The following AREG variants were observed in gnomAD, a reference collection of about 807,000 sequenced individuals.
The protein encoded by AREG is amphiregulin, also known as amphiregulin B.
A neutral mutation model predicts 28.0 loss-of-function variants in AREG; 16 were observed. The observed-to-expected ratio is 0.57, with a 90% CI of 0.39 to 0.87. AREG has a LOEUF of 0.87. Ranked by LOEUF, AREG falls within the 40% of genes least tolerant of loss-of-function variation. The probability of loss-of-function intolerance (pLI) is 0.00; values close to 1 mark genes in which losing one functional copy is unlikely to be tolerated. For missense variants in AREG, 287 were observed against 309.1 expected (o/e 0.93, Z 0.53); for synonymous variants, 113 against 113.5 (o/e 1.00, Z 0.02).
Position 74,449,905 on chromosome 4 carries a change from G to GCTCTCTCT in AREG, c.513-454_513-447dup, listed in dbSNP as rs34389731. ...TTATTTTTTGTGCATGCTCCTGCTT[G>GCTCTCTCT]CTCTCTCTCTCTCTCTCTCTCTCTC... On this transcript the variant is annotated intron_variant, in intron 3 of 5. Transcript: ENST00000395748. Among the ~76,000 whole-genome samples the GCTCTCTCT allele has an allele frequency of 1.3e-3, 192 of 145,606 alleles. 2 individuals are homozygous for GCTCTCTCT. Among genetic ancestry groups the GCTCTCTCT allele is most frequent in the South Asian group, 6.7e-3 (30 of 4,462 alleles).
intron 3 of AREG, among the ~76,000 whole-genome samples, chr4:74,449,710 G>T (rs1247027773): frequency 6.6e-6 from 1 of 152,046 alleles, no homozygotes; most frequent in Non-Finnish European, 1.5e-5. Context: ...AGCCGTGATC[G>T]CACCACTACA....
Position 74,454,907 on chromosome 4 carries a change from G to T in AREG, c.*167G>T. ...TTATGCTATTTCTGTATATAAAGGT[G>T]CACGAAGGTAAAAAGTATTTTTTCA... On this transcript the variant is annotated 3_prime_UTR_variant, in exon 6 of 6. Coordinates refer to ENST00000395748, the MANE Select transcript of AREG (RefSeq NM_001657.4). 2 of 671,130 alleles carry T rather than the reference G, an allele frequency of 3.0e-6. No homozygotes were observed. The highest frequency in any genetic ancestry group is 5.4e-6 in the Non-Finnish European group (2 of 372,880). The allele number at this position is 671,130 out of a possible 1,614,324, so 41.6% of individuals were successfully genotyped here. A position where few individuals can be genotyped will look rare whatever the true frequency, so the allele number is the denominator to read the frequency against.
In AREG at chr4:74,445,194, G is replaced by A. The variant is rs1719247658; in HGVS notation, c.-152G>A. The A allele has an allele frequency of 1.4e-6, 2 of 1,478,568 alleles. No homozygotes were observed. The highest frequency in any genetic ancestry group is 1.8e-6 in the Non-Finnish European group (2 of 1,107,916). The allele number at this position is 1,478,568 out of a possible 1,614,324, so 91.6% of individuals were successfully genotyped here. A position where few individuals can be genotyped will look rare whatever the true frequency, so the allele number is the denominator to read the frequency against. On this transcript the variant is annotated 5_prime_UTR_variant, in exon 1 of 6. Coordinates refer to ENST00000395748, the MANE Select transcript of AREG (RefSeq NM_001657.4). ...AGGTCCCGGGACAGCCCGAGGCGCC[G>A]CGCCCGCCGCCCCGAGCTCCCCAAG...
Position 74,445,352 on chromosome 4 carries a change from G to C in AREG, c.7G>C (p.Ala3Pro), listed in dbSNP as rs750666473. 3.5e-5 allele frequency: 56 copies of C among 1,610,448 alleles called. No individual in the cohort carries two copies. The highest frequency in any genetic ancestry group is 1.2e-4 in the Admixed American group (7 of 59,862). ...CCGCCGCTGCGAAGGACCAATGAGA[G>C]CCCCGCTGCTACCGCCGGCGCCGGT... is the stretch of plus-strand genomic sequence containing the variant. MR[A>P]PLLPPAPVVL... The change falls in exon 1 of 6, where the codon GCC becomes CCC. Residue 3 changes from alanine (A) to proline (P), a missense_variant. Coordinates refer to ENST00000395748, the MANE Select transcript of AREG (RefSeq NM_001657.4).
chr4:74,447,669 T>C (rs1383906609), intron 2 of AREG, among the ~76,000 whole-genome samples: 2 of 152,144 alleles, frequency 1.3e-5, no homozygotes, highest in Middle Eastern at 3.2e-3. Flanking sequence ...GTTTCAGAGC[T>C]GTTGAAGGCC....
chr4:74,452,474 C>T (rs1719395307), intron 4 of AREG, 70 bp from the exon 5 acceptor site: 3 of 1,585,766 alleles, frequency 1.9e-6, no homozygotes, highest in Non-Finnish European at 1.7e-6. Context: ...CCCCTCTACT[C>T]ATAAAAACCC....
At chr4:74,452,739 A>C (rs926200233) in intron 5 of AREG, 84 bp downstream of exon 5, 2 of 1,210,228 alleles carry the variant, frequency 1.7e-6, no homozygotes, top group East Asian at 5.1e-5. Context: ...AAAATATGGA[A>C]TGTGTTCTTA....
At chr4:74,450,198 C>T (rs1240624205) in intron 3 of AREG, among the ~76,000 whole-genome samples, 182 bp from the exon 4 acceptor site, 1 of 152,104 alleles carries the variant, frequency 6.6e-6, no homozygotes, top group Non-Finnish European at 1.5e-5. Context: ...CTAATCTCAA[C>T]TTGTTCTTAT....
intron 2 of AREG, 108 bp downstream of exon 2, chr4:74,446,890 A>ATGTC (rs3215072): frequency 0.31 from 492,101 of 1,605,238 alleles, 83,435 homozygotes; most frequent in East Asian, 0.56. Flanking sequence ...GCTTTATTGT[A>ATGTC]TATCTGTTGG....
At chr4:74,447,298 A>C (rs1719309139) in intron 2 of AREG, among the ~76,000 whole-genome samples, 1 of 152,208 alleles carries the variant, frequency 6.6e-6, no homozygotes, top group Non-Finnish European at 1.5e-5. Context: ...AACACAAATA[A>C]GGGGACAAGG....
At chr4:74,451,821 A>AT (rs2110412778) in intron 4 of AREG, among the ~76,000 whole-genome samples, 1 of 152,310 alleles carries the variant, frequency 6.6e-6, no homozygotes, top group Admixed American at 6.5e-5. Context: ...TAGCACTCTT[A>AT]AAATTAAGCA....
intron 2 of AREG, among the ~76,000 whole-genome samples, chr4:74,448,086 G>A (rs1290547934): frequency 1.3e-5 from 2 of 152,200 alleles, no homozygotes; most frequent in Non-Finnish European, 2.9e-5. Flanking sequence ...TGTCCATGAT[G>A]TTAGTGCTTA....
rs7665012 is a variant in AREG at position 74,450,664 on chromosome 4, T to C, written c.665+132T>C. 0.011 allele frequency: 15,008 copies of C among 1,325,578 alleles called. 1,404 individuals carry two copies. The African/African-American group carries it at 0.19, about 17-fold the overall frequency. 82.1% of individuals were successfully genotyped at this position (1,325,578 alleles called of 1,614,324 possible). ...TCACTTGATCTTTGGTTTATATTTT[T>C]ATATTTTATTGACAAATATCACAGA... On this transcript the variant is annotated intron_variant, in intron 4 of 5. Coordinates refer to ENST00000395748, the MANE Select transcript of AREG (RefSeq NM_001657.4).
In AREG at chr4:74,452,105, G is replaced by A. The variant is rs1233157951; in HGVS notation, c.666-439G>A. 2.0e-5 allele frequency among the ~76,000 whole-genome samples: 3 copies of A among 152,064 alleles called. No individual in the cohort carries two copies. In the East Asian group the frequency reaches 5.8e-4, roughly 29 times the overall value. On this transcript the variant is annotated intron_variant, in intron 4 of 5. Coordinates refer to ENST00000395748, the MANE Select transcript of AREG (RefSeq NM_001657.4). ...AAGCAGCAGTAAATTAAACTAGAAG[G>A]ATATATTTTATACCTAGAAATAAAT...
At chr4:74,449,905 G>GCGCT (rs558402744) in intron 3 of AREG, among the ~76,000 whole-genome samples, 3 of 145,520 alleles carry the variant, frequency 2.1e-5, no homozygotes, top group Admixed American at 1.4e-4. Flanking sequence ...GCTCCTGCTT[G>GCGCT]CTCTCTCTCT....
At chr4:74,452,717 A>G (rs954209086) in intron 5 of AREG, 62 bp downstream of exon 5, 2 of 1,425,986 alleles carry the variant, frequency 1.4e-6, no homozygotes, top group Non-Finnish European at 1.9e-6. Flanking sequence ...TTAACACTAT[A>G]TAATCTCAAG....
chr4:74,447,614 A>G (rs922982373), intron 2 of AREG, among the ~76,000 whole-genome samples: 1 of 152,154 alleles, frequency 6.6e-6, no homozygotes, highest in Non-Finnish European at 1.5e-5. Flanking sequence ...AGTAAATAAG[A>G]TCTAAATATC....
chr4:74,451,146 A>G (rs1719374786), intron 4 of AREG, among the ~76,000 whole-genome samples: 1 of 152,192 alleles, frequency 6.6e-6, no homozygotes, highest in Non-Finnish European at 1.5e-5. Context: ...GCAAGCAAGG[A>G]CAATTCTATT....
chr4:74,446,387 T>C (rs1298365945), intron 1 of AREG, 147 bp from the exon 2 acceptor site: 1 of 1,465,022 alleles, frequency 6.8e-7, no homozygotes, highest in Non-Finnish European at 9.3e-7. Context: ...GTAAAGTTTC[T>C]TTCATAGAAA....
Sources: allele counts gnomAD v4.1 joint callset (sites outside exome capture counted in the v4.1 genomes callset), GRCh38; gene constraint gnomAD v4.1.1; transcripts MANE v1.5; gene names NCBI Gene and HGNC (gene_info 2026-07-23, HGNC 2026-07-21).